The following NAF1 variants were observed in gnomAD, a reference collection of about 807,000 sequenced individuals.
The protein encoded by NAF1 is nuclear assembly factor 1 ribonucleoprotein, also known as H/ACA ribonucleoprotein complex non-core subunit NAF1.
NAF1 carries 11 observed loss-of-function variants against 40.6 expected under a neutral mutation model. The ratio of observed to expected loss-of-function variants is 0.27; its 90% CI spans 0.17 to 0.45. The LOEUF is 0.45. Ranked by LOEUF, NAF1 falls within the 20% of genes least tolerant of loss-of-function variation. NAF1 has a pLI of 1.00. For missense variants in NAF1, 607 were observed against 611.1 expected (o/e 0.99, Z 0.07); for synonymous variants, 260 against 228.5 (o/e 1.14, Z -1.24).
downstream of NAF1, among the ~76,000 whole-genome samples, chr4:163,105,117 T>C (rs547404703): frequency 1.7e-4 from 26 of 152,332 alleles, no homozygotes; most frequent in African/African-American, 5.8e-4. Flanking sequence ...GTGTGTATTG[T>C]TATATGCTGG....
chr4:163,152,519 C>T (rs1731751725), intron 2 of NAF1, among the ~76,000 whole-genome samples: 2 of 152,218 alleles, frequency 1.3e-5, no homozygotes, highest in South Asian at 4.1e-4. Flanking sequence ...ATGTTTCCAA[C>T]CTATGTACTG....
intron 7 of NAF1, among the ~76,000 whole-genome samples, chr4:163,130,365 A>T (rs917418001): frequency 6.6e-6 from 1 of 152,234 alleles, no homozygotes; most frequent in African/African-American, 2.4e-5. Flanking sequence ...TTAAAATTAC[A>T]AAGTTTTAGG....
chr4:163,163,182 A>G (rs1441330927), intron 2 of NAF1, among the ~76,000 whole-genome samples: 2 of 152,206 alleles, frequency 1.3e-5, no homozygotes, highest in African/African-American at 4.8e-5. Context: ...TACAAAGACC[A>G]CTAAGAAATA....
At chr4:163,120,471 A>G (rs1207984797) in intron 2 of NAF1, among the ~76,000 whole-genome samples, 1 of 152,230 alleles carries the variant, frequency 6.6e-6, no homozygotes, top group East Asian at 1.9e-4. Context: ...CTTTTACCAC[A>G]TAAACAAGGT....
intron 6 of NAF1, chr4:163,135,703 T>C (rs1211811315): frequency 6.6e-6 from 1 of 152,240 alleles, no homozygotes; most frequent in East Asian, 1.9e-4. Context: ...GGCAGGAGAA[T>C]TGCTTGAACC....
At chr4:163,108,558 G>GT (rs1314634380), downstream of NAF1, among the ~76,000 whole-genome samples, 2 of 152,150 alleles carry the variant, frequency 1.3e-5, no homozygotes, top group East Asian at 3.8e-4. Flanking sequence ...ACACTAACCT[G>GT]TTTTTTCACT....
rs568672471 is a variant in NAF1 at position 163,149,811 on chromosome 4, G to C, written c.541-1377C>G. ...TGTGACATTAAATAGCCTTTTTACA[G>C]AAGTTCTTAGCTAAAGCAATCTCAA... On this transcript the variant is annotated intron_variant, in intron 2 of 7. Coordinates refer to ENST00000274054, the MANE Select transcript of NAF1 (RefSeq NM_138386.3). 3.9e-5 allele frequency among the ~76,000 whole-genome samples: 6 copies of C among 152,246 alleles called. No individual in the cohort carries two copies. The South Asian group carries it at 1.2e-3, about 32-fold the overall frequency.
downstream of NAF1, among the ~76,000 whole-genome samples, chr4:163,108,619 T>A (rs1730086997): frequency 6.6e-6 from 1 of 152,234 alleles, no homozygotes; most frequent in Admixed American, 6.5e-5. Context: ...ATCTTTACAA[T>A]TAAAATAAAT....
downstream of NAF1, among the ~76,000 whole-genome samples, chr4:163,126,274 T>A (rs1426850786): frequency 1.3e-5 from 2 of 152,216 alleles, no homozygotes; most frequent in Non-Finnish European, 2.9e-5. Flanking sequence ...GGAAACCTTC[T>A]GGAAAGGATT....
intron 4 of NAF1, among the ~76,000 whole-genome samples, chr4:163,143,448 T>C (rs1454061363): frequency 6.6e-6 from 1 of 152,116 alleles, no homozygotes; most frequent in Non-Finnish European, 1.5e-5. Flanking sequence ...TTCAGCGGCG[T>C]AGAAGGCCTG....
At chr4:163,126,248 T>C (rs982665880), downstream of NAF1, among the ~76,000 whole-genome samples, 4 of 152,200 alleles carry the variant, frequency 2.6e-5, no homozygotes, top group Non-Finnish European at 5.9e-5. Flanking sequence ...TCTGATGGAT[T>C]TGGGCAAAGT....
At position 163,166,644 on chromosome 4, in the gene NAF1, C is replaced by G. The variant is rs930571665; in HGVS notation, c.84G>C (p.Ala28=). 6.2e-7 allele frequency: 1 copy of G among 1,612,866 alleles called. No homozygotes were observed. Among genetic ancestry groups the G allele is most frequent in the African/African-American group, 1.3e-5 (1 of 74,946 alleles). The part of the protein sequence containing the change: ...GTDFGVGEGP[A]APSPGSAPVP... ...CAGGGGCAGAGCCCGGAGACGGAGCCGCCGGACCTTCCCCAACTCCAAAGT... is the reference window on the plus strand; with the variant it reads ...CAGGGGCAGAGCCCGGAGACGGAGCGGCCGGACCTTCCCCAACTCCAAAGT... Residue 28 remains alanine, a synonymous_variant, in exon 1 of 8, where the codon GCG becomes GCC. Coordinates refer to ENST00000274054, the MANE Select transcript of NAF1 (RefSeq NM_138386.3).
At chr4:163,113,657 C>T (rs1443674858) in intron 2 of NAF1, among the ~76,000 whole-genome samples, 2 of 152,146 alleles carry the variant, frequency 1.3e-5, no homozygotes, top group African/African-American at 4.8e-5. Context: ...GATCCCTACC[C>T]AGGTTGTGGA....
At position 163,120,139 on chromosome 4, in the gene NAF1, T is replaced by C. The variant is rs571972663; in HGVS notation, c.115-9849A>G. Reference sequence around the variant, plus strand: ...ACAGACATTTGCAAGAGCTGTGGGTTGGGGGAGAGTGCAAATGTTTCCCAG... The same window carrying C: ...ACAGACATTTGCAAGAGCTGTGGGTCGGGGGAGAGTGCAAATGTTTCCCAG... On this transcript the variant is annotated intron_variant, in intron 2 of 2. Transcript: ENST00000509434. Among the ~76,000 whole-genome samples the C allele has an allele frequency of 5.3e-5, 8 of 152,304 alleles. No individual in the cohort carries two copies. The South Asian group carries it at 1.2e-3, about 24-fold the overall frequency.
At chr4:163,110,420 T>C in intron 2 of NAF1, 1 of 609,804 alleles carries the variant, frequency 1.6e-6, no homozygotes, top group Non-Finnish European at 2.9e-6. Flanking sequence ...ACTGTGCCTA[T>C]TTCCTAAATT....
chr4:163,106,761 A>G (rs1464310196), downstream of NAF1, among the ~76,000 whole-genome samples: 2 of 152,230 alleles, frequency 1.3e-5, no homozygotes, highest in Non-Finnish European at 2.9e-5. Flanking sequence ...GAATATAGAA[A>G]AAAAACCTGA....
chr4:163,125,599 A>C (rs1374390179), downstream of NAF1, among the ~76,000 whole-genome samples: 3 of 152,236 alleles, frequency 2.0e-5, no homozygotes, highest in Admixed American at 1.3e-4. Flanking sequence ...GGAAGGTAGC[A>C]GAGGTTGGCT....
At chr4:163,112,865 C>A (rs904138382) in intron 2 of NAF1, among the ~76,000 whole-genome samples, 2 of 152,266 alleles carry the variant, frequency 1.3e-5, no homozygotes, top group South Asian at 2.1e-4. Context: ...GAAATTGTCA[C>A]CTTGGTGAGT....
chr4:163,165,360 G>A (rs1009451853), intron 1 of NAF1, among the ~76,000 whole-genome samples: 1 of 152,100 alleles, frequency 6.6e-6, no homozygotes, highest in African/African-American at 2.4e-5. Context: ...CACTAAGTTG[G>A]CCTATTATGA....
Sources: allele counts gnomAD v4.1 joint callset (sites outside exome capture counted in the v4.1 genomes callset), GRCh38; gene constraint gnomAD v4.1.1; transcripts MANE v1.5; gene names NCBI Gene and HGNC (gene_info 2026-07-23, HGNC 2026-07-21).